The following RBFOX3 variants were observed in gnomAD, a reference collection of about 807,000 sequenced individuals.
RBFOX3 encodes the protein RNA binding protein fox-1 homolog 3.
RBFOX3 carries 17 observed loss-of-function variants against 48.7 expected under a neutral mutation model. The ratio of observed to expected loss-of-function variants is 0.35; its 90% CI spans 0.24 to 0.52. RBFOX3 has a LOEUF of 0.52. RBFOX3 is among the 20% of genes least tolerant of loss of function. The pLI is 0.94. For synonymous variants in RBFOX3, 212 were observed against 209.5 expected, an observed-to-expected ratio of 1.01 and a Z score of -0.10; for missense variants, 382 against 497.5, an observed-to-expected ratio of 0.77 and a Z score of 2.21.
At chr17:79,447,964 T>C (rs146593186) in intron 2 of RBFOX3, among the ~76,000 whole-genome samples, 1 of 152,216 alleles carries the variant, frequency 6.6e-6, no homozygotes, top group Non-Finnish European at 1.5e-5. Flanking sequence ...CCCAGTTCGT[T>C]TGAAAGTGTG....
chr17:79,107,914 G>T (rs1599456710), intron 5 of RBFOX3, among the ~76,000 whole-genome samples: 1 of 152,346 alleles, frequency 6.6e-6, no homozygotes. Context: ...CCCGCGGGGT[G>T]CCCTGGAGGG....
chr17:79,571,298 A>G (rs1173663558), intron 1 of RBFOX3, among the ~76,000 whole-genome samples: 2 of 152,104 alleles, frequency 1.3e-5, no homozygotes, highest in African/African-American at 4.8e-5. Context: ...TAGAGCCAGC[A>G]GATTATGGTC....
rs371979728 is a variant in RBFOX3 at position 79,220,208 on chromosome 17, G to A, written c.-34+15558C>T. On this transcript the variant is annotated intron_variant, in intron 4 of 14. Transcript: ENST00000693108. This position sits in a 1 kb window ranked among gnomAD's most constrained non-coding sequence, Gnocchi z 5.9. ...AAAAATACATCATCATTTCGGAACC[G>A]CGGCTCCACAGCAGGCTCCCGGGGA... is the stretch of plus-strand genomic sequence containing the variant. 6.6e-5 allele frequency among the ~76,000 whole-genome samples: 10 copies of A among 152,188 alleles called. No individual in the cohort carries two copies. The highest frequency in any genetic ancestry group is 1.0e-4 in the Non-Finnish European group (7 of 68,034).
intron 2 of RBFOX3, among the ~76,000 whole-genome samples, chr17:79,321,416 C>T (rs927703947): frequency 2.6e-5 from 4 of 152,328 alleles, no homozygotes; most frequent in African/African-American, 4.8e-5. Context: ...CCTCCAGGTC[C>T]GGCCCCAACA....
the RBFOX3 span, among the ~76,000 whole-genome samples, chr17:79,635,403 T>C: frequency 1.3e-5 from 2 of 152,194 alleles, no homozygotes; most frequent in Non-Finnish European, 2.9e-5. Context: ...CCTGTCCTGT[T>C]ACATAGGAGC....
At chr17:79,512,667 C>A (rs1326746544) in intron 1 of RBFOX3, among the ~76,000 whole-genome samples, 10 of 106,846 alleles carry the variant, frequency 9.4e-5, no homozygotes, top group Admixed American at 9.5e-5. Context: ...CAGGGGACAC[C>A]CACCCGGATA....
chr17:79,427,841 C>T (rs553581928), intron 2 of RBFOX3, among the ~76,000 whole-genome samples: 9 of 152,382 alleles, frequency 5.9e-5, no homozygotes, highest in African/African-American at 2.2e-4. Context: ...TGTACACATG[C>T]ACATATGCAC....
chr17:79,105,675 T>C (rs2077226531), intron 6 of RBFOX3, among the ~76,000 whole-genome samples: 2 of 151,946 alleles, frequency 1.3e-5, no homozygotes, highest in Non-Finnish European at 1.5e-5. Context: ...CAGAGGTGCT[T>C]CCAGTCTGCC....
chr17:79,293,619 A>G (rs2073829940), intron 3 of RBFOX3, among the ~76,000 whole-genome samples: 2 of 151,730 alleles, frequency 1.3e-5, no homozygotes, highest in Admixed American at 6.6e-5. Context: ...TGCCTGGCTA[A>G]TTTTTGTATT....
intron 3 of RBFOX3, among the ~76,000 whole-genome samples, chr17:79,244,185 G>A (rs936192019): frequency 7.2e-5 from 11 of 152,272 alleles, no homozygotes; most frequent in East Asian, 1.9e-4. Context: ...TCCAATGCCC[G>A]GGGTCCTCAT....
intron 1 of RBFOX3, among the ~76,000 whole-genome samples, chr17:79,531,426 C>G (rs1357302925): frequency 1.3e-5 from 2 of 152,226 alleles, no homozygotes; most frequent in South Asian, 4.1e-4. Context: ...GGCGGCTTCA[C>G]TTTTCGGCAG....
chr17:79,108,602 C>T (rs1180054570), intron 5 of RBFOX3, among the ~76,000 whole-genome samples: 1 of 152,228 alleles, frequency 6.6e-6, no homozygotes, highest in African/African-American at 2.4e-5. Context: ...TAAGTGGCCA[C>T]AGCTTGGTCC....
At chr17:79,460,457 G>A (rs2149257527) in intron 2 of RBFOX3, among the ~76,000 whole-genome samples, 1 of 152,282 alleles carries the variant, frequency 6.6e-6, no homozygotes, top group East Asian at 1.9e-4. Flanking sequence ...CCTCCCTGCA[G>A]GCAGAGCTCG....
chr17:79,463,867 G>A (rs1470109745), intron 2 of RBFOX3, among the ~76,000 whole-genome samples: 2 of 126,268 alleles, frequency 1.6e-5, no homozygotes, highest in African/African-American at 6.4e-5. Flanking sequence ...CCTCCCCATC[G>A]CCACTGCCAC....
At chr17:79,349,994 C>T (rs906299062) in intron 2 of RBFOX3, among the ~76,000 whole-genome samples, 7 of 152,186 alleles carry the variant, frequency 4.6e-5, no homozygotes, top group South Asian at 2.1e-4. Context: ...CAGTCCACAT[C>T]GTCCATGCCA....
rs1234489810 is a variant in RBFOX3, at chr17:79,363,272, T to G, written c.-174-55448A>C. Among the ~76,000 whole-genome samples, 1 of 152,080 alleles carries G rather than the reference T, an allele frequency of 6.6e-6. No homozygotes were observed. The highest frequency in any genetic ancestry group is 1.9e-4 in the East Asian group (1 of 5,164). ...GCTCACGGGTGACAGTTAGGGTCAA[T>G]GTGCAGAAGAACCAGGGGACTCTTT... On this transcript the variant is annotated intron_variant, in intron 2 of 14. Transcript: ENST00000693108. The surrounding 1 kb of genome is among the most constrained non-coding windows in gnomAD (Gnocchi z 4.7).
At chr17:79,457,520 G>C (rs1598777325) in intron 2 of RBFOX3, among the ~76,000 whole-genome samples, 2 of 152,306 alleles carry the variant, frequency 1.3e-5, no homozygotes, top group East Asian at 3.9e-4. Context: ...CATCCCAGCG[G>C]CTCTTCCTGA....
At chr17:79,343,475 C>T (rs1364574560) in intron 2 of RBFOX3, among the ~76,000 whole-genome samples, 2 of 152,122 alleles carry the variant, frequency 1.3e-5, no homozygotes, top group Non-Finnish European at 2.9e-5. Context: ...CGAGATTGCA[C>T]CACTGCACTC....
intron 4 of RBFOX3, among the ~76,000 whole-genome samples, chr17:79,207,989 C>T (rs1438502776): frequency 6.6e-6 from 1 of 152,226 alleles, no homozygotes; most frequent in East Asian, 1.9e-4. Context: ...CCTCGGCAAG[C>T]CTCGGCTGGG....
Sources: gnomAD v4.1 joint callset for allele counts (sites outside exome capture counted in the v4.1 genomes callset) on GRCh38, gnomAD v4.1.1 for gene constraint, Gnocchi (gnomAD v3.1) non-coding constraint, MANE v1.5 for transcripts, NCBI Gene and HGNC (gene_info 2026-07-23, HGNC 2026-07-21) for gene names.